The following ERN1 variants were observed in gnomAD, a reference collection of about 807,000 sequenced individuals.
ERN1 encodes the protein serine/threonine-protein kinase/endoribonuclease IRE1.
Under a neutral mutation model 113.1 loss-of-function variants are expected in ERN1, and 39 were observed. The ratio of observed to expected loss-of-function variants is 0.34; its 90% CI spans 0.27 to 0.45. ERN1 has a LOEUF of 0.45. Ranked by LOEUF, ERN1 falls within the 20% of genes least tolerant of loss-of-function variation. ERN1 has a pLI of 1.00. For missense variants in ERN1, 976 were observed against 1,274.8 expected (o/e 0.77, Z 3.57); for synonymous variants, 507 against 515.9 (o/e 0.98, Z 0.23).
Position 64,130,030 on chromosome 17 carries a change from G to C in ERN1, c.-1C>G. The C allele has an allele frequency of 7.0e-7, 1 of 1,424,718 alleles. No individual in the cohort carries two copies. Among genetic ancestry groups the C allele is most frequent in the Non-Finnish European group, 9.1e-7 (1 of 1,096,430 alleles). The allele number at this position is 1,424,718 out of a possible 1,614,324, so 88.3% of individuals were successfully genotyped here. ...GCAGCAGCAGCCGCCGGGCCGGCAT[G>C]GCGAGGACTCGGCCCTGGCTCCGGG... On this transcript the variant is annotated 5_prime_UTR_variant, in exon 1 of 22. Coordinates refer to ENST00000433197, the MANE Select transcript of ERN1 (RefSeq NM_001433.5). This position sits in a 1 kb window ranked among gnomAD's most constrained non-coding sequence, Gnocchi z 4.0.
At chr17:64,122,187 C>T (rs1914971826) in intron 1 of ERN1, among the ~76,000 whole-genome samples, 1 of 152,216 alleles carries the variant, frequency 6.6e-6, no homozygotes, top group East Asian at 1.9e-4. Flanking sequence ...CTGCCACTCA[C>T]ACATGACCCT....
chr17:64,076,101 G>A (rs1913583670), intron 4 of ERN1, among the ~76,000 whole-genome samples: 1 of 152,200 alleles, frequency 6.6e-6, no homozygotes, highest in African/African-American at 2.4e-5. Context: ...GAATCCAAAT[G>A]TTTCAACTGC....
chr17:64,094,514 G>A (rs1180874629), intron 2 of ERN1, among the ~76,000 whole-genome samples: 3 of 151,990 alleles, frequency 2.0e-5, no homozygotes, highest in Admixed American at 1.3e-4. Flanking sequence ...TAAAGGAAGC[G>A]CTGGGTCCCT....
rs1388350463 is a variant in ERN1 at position 64,064,101 on chromosome 17, G to A, written c.972C>T (p.Val324=). 1.9e-6 allele frequency: 3 copies of A among 1,611,016 alleles called. No individual in the cohort carries two copies. The highest frequency in any genetic ancestry group is 4.5e-5 in the East Asian group (2 of 44,836). ...PLLEGPQTDG[V]TIGDKGECVI... is the part of the protein sequence containing the mutation. Reference sequence around the variant, plus strand: ...CACACTCCCCCTTGTCCCCAATGGTGACGCCATCAGTCTGGGGCCCTTCCA... The same window carrying A: ...CACACTCCCCCTTGTCCCCAATGGTAACGCCATCAGTCTGGGGCCCTTCCA... Residue 324 remains valine (V), a synonymous_variant, in exon 10 of 22, where the codon GTC becomes GTT. Coordinates refer to ENST00000433197, the MANE Select transcript of ERN1 (RefSeq NM_001433.5).
intron 1 of ERN1, among the ~76,000 whole-genome samples, chr17:64,109,156 C>T (rs1459599135): frequency 1.3e-5 from 2 of 151,762 alleles, no homozygotes; most frequent in South Asian, 2.1e-4. Context: ...GAAGTCCTCA[C>T]GTAGAAACCC....
intron 1 of ERN1, among the ~76,000 whole-genome samples, chr17:64,100,206 C>G (rs1255186079): frequency 1.3e-5 from 2 of 152,072 alleles, no homozygotes; most frequent in African/African-American, 4.8e-5. Flanking sequence ...ACTGGGAGTT[C>G]ATGAGTAAAC....
At chr17:64,111,498 G>A (rs973636710) in intron 1 of ERN1, among the ~76,000 whole-genome samples, 1 of 152,150 alleles carries the variant, frequency 6.6e-6, no homozygotes, top group Non-Finnish European at 1.5e-5. Flanking sequence ...TGGGATTACA[G>A]GCACATGCCA....
intron 17 of ERN1, among the ~76,000 whole-genome samples, chr17:64,050,136 A>T (rs1410648107): frequency 1.3e-5 from 2 of 152,170 alleles, no homozygotes; most frequent in African/African-American, 4.8e-5. Flanking sequence ...GGATGTGATA[A>T]ACCAGGATGG....
intron 5 of ERN1, among the ~76,000 whole-genome samples, chr17:64,074,402 C>T (rs1163728946): frequency 6.6e-6 from 1 of 152,096 alleles, no homozygotes; most frequent in Non-Finnish European, 1.5e-5. Context: ...CTGTGCCGAT[C>T]GTTTCCTCCA....
chr17:64,090,764 T>C (rs77895315), intron 2 of ERN1, among the ~76,000 whole-genome samples: 9 of 152,144 alleles, frequency 5.9e-5, no homozygotes, highest in Non-Finnish European at 1.0e-4. Flanking sequence ...GTCCCAAAAA[T>C]AAGGGAAGAA....
chr17:64,074,052 A>C (rs1913513245), intron 5 of ERN1, among the ~76,000 whole-genome samples: 1 of 152,278 alleles, frequency 6.6e-6, no homozygotes, highest in South Asian at 2.1e-4. Context: ...TCACTGACAA[A>C]ATCATAATAT....
intron 19 of ERN1, among the ~76,000 whole-genome samples, chr17:64,047,101 G>A (rs935234871): frequency 3.3e-5 from 5 of 152,242 alleles, no homozygotes; most frequent in African/African-American, 9.6e-5. Flanking sequence ...GCTCATGCCT[G>A]TAATCCCAGC....
chr17:64,077,582 G>A (rs999044328), intron 4 of ERN1, among the ~76,000 whole-genome samples: 2 of 152,062 alleles, frequency 1.3e-5, no homozygotes, highest in African/African-American at 2.4e-5. Flanking sequence ...TGAGTCATCC[G>A]CGGCGTGTGT....
chr17:64,125,460 G>A (rs961791343), intron 1 of ERN1, among the ~76,000 whole-genome samples: 1 of 152,058 alleles, frequency 6.6e-6, no homozygotes, highest in South Asian at 2.1e-4. Flanking sequence ...CCCAACCCAC[G>A]GCTGGGCACA....
intron 20 of ERN1, 21 bp downstream of exon 20, chr17:64,045,338 C>T (rs1912478305): frequency 3.7e-6 from 6 of 1,613,700 alleles, no homozygotes; most frequent in South Asian, 1.1e-5. Flanking sequence ...CCTGCCCTCT[C>T]ACACGCTGCA....
Position 64,044,923 on chromosome 17 carries a change from C to T in ERN1, c.2658G>A (p.Leu886=). Residue 886 remains leucine, a synonymous_variant, in exon 21 of 22, where the codon CTG becomes CTA. Coordinates refer to ENST00000433197, the MANE Select transcript of ERN1 (RefSeq NM_001433.5). The surrounding 1 kb of genome is among the most constrained non-coding windows in gnomAD (Gnocchi z 4.1). The part of the protein sequence containing the change: ...ENITVPLQTD[L]RKFRTYKGGS... ...CACCTTTATAGGTCCTGAATTTACGCAGGTCTAGAAAAACATTGAGGGAAG... is the reference window on the plus strand; with the variant it reads ...CACCTTTATAGGTCCTGAATTTACGTAGGTCTAGAAAAACATTGAGGGAAG... The T allele has an allele frequency of 2.5e-6, 4 of 1,587,858 alleles. No individual in the cohort carries two copies. Among genetic ancestry groups the T allele is most frequent in the African/African-American group, 1.3e-5 (1 of 74,602 alleles).
At chr17:64,125,738 C>T (rs1405880482) in intron 1 of ERN1, among the ~76,000 whole-genome samples, 2 of 152,192 alleles carry the variant, frequency 1.3e-5, no homozygotes, top group Non-Finnish European at 2.9e-5. Context: ...ATTCACCCGC[C>T]TTGGCCTCCT....
chr17:64,047,107 C>T (rs1912535737), intron 19 of ERN1, among the ~76,000 whole-genome samples: 1 of 152,174 alleles, frequency 6.6e-6, no homozygotes, highest in Non-Finnish European at 1.5e-5. Context: ...GCCTGTAATC[C>T]CAGCACTTTG....
At chr17:64,115,234 C>A (rs1427414954) in intron 1 of ERN1, among the ~76,000 whole-genome samples, 1 of 152,162 alleles carries the variant, frequency 6.6e-6, no homozygotes, top group Admixed American at 6.5e-5. Flanking sequence ...CAGGATTTGC[C>A]AATCTCTTCC....
Sources: gnomAD v4.1 joint callset for allele counts (sites outside exome capture counted in the v4.1 genomes callset) on GRCh38, gnomAD v4.1.1 for gene constraint, Gnocchi (gnomAD v3.1) non-coding constraint, MANE v1.5 for transcripts, NCBI Gene and HGNC (gene_info 2026-07-23, HGNC 2026-07-21) for gene names.